Variants in ZBTB11 observed in about 807,000 individuals in gnomAD.
ZBTB11 encodes the protein zinc finger and BTB domain containing 11.
Under a neutral mutation model 113.1 loss-of-function variants are expected in ZBTB11, and 68 were observed. That is an observed-to-expected ratio of 0.60 (90% CI 0.49 to 0.74). ZBTB11 has a LOEUF of 0.74. Ranked by LOEUF, ZBTB11 falls within the 30% of genes least tolerant of loss-of-function variation. The pLI, the probability that ZBTB11 is intolerant of heterozygous loss-of-function variation, is 0.00. For missense variants in ZBTB11, 1,104 were observed against 1,279.4 expected, an observed-to-expected ratio of 0.86 and a Z score of 2.09; for synonymous variants, 518 against 452.6, an observed-to-expected ratio of 1.14 and a Z score of -1.83.
intron 8 of ZBTB11, among the ~76,000 whole-genome samples, chr3:101,654,360 T>C (rs1322640928): frequency 6.6e-6 from 1 of 152,096 alleles, no homozygotes; most frequent in African/African-American, 2.4e-5. Flanking sequence ...TTACGTTATA[T>C]GAATTTTACC....
Position 101,664,628 on chromosome 3 carries a change from T to C in ZBTB11, c.1710A>G (p.Lys570=). The change falls in exon 5 of 11, where the codon AAA becomes AAG. Residue 570 remains lysine, a synonymous_variant. Transcript: ENST00000312938. ...GAAAAACCATTCCACATTCCCCACATTTATGAGATGCTTCTTCTGTGTTCT... is the reference window on the plus strand; with the variant it reads ...GAAAAACCATTCCACATTCCCCACACTTATGAGATGCTTCTTCTGTGTTCT... ...AKENTEEASH[K]CGECGMVFQR... 1 of 1,613,928 alleles carries C rather than the reference T, an allele frequency of 6.2e-7. No homozygotes were observed.
chr3:101,658,269 AGGCTAGAGTGCAGTGGTGC>A (rs971183457), intron 6 of ZBTB11, among the ~76,000 whole-genome samples: 14 of 148,264 alleles, frequency 9.4e-5, no homozygotes, highest in Non-Finnish European at 1.8e-4. Flanking sequence ...TCTGTCGCCC[AGGCTAGAGTGCAGTGGTGC>A]GGTCTCGGCT....
At chr3:101,664,491 T>C (rs1936945809) in intron 5 of ZBTB11, 47 bp downstream of exon 5, 3 of 1,539,552 alleles carry the variant, frequency 1.9e-6, no homozygotes, top group Non-Finnish European at 2.6e-6. Flanking sequence ...TTGGATTCTA[T>C]ATATTATGAA....
chr3:101,658,227 A>ATT (rs200382292), intron 6 of ZBTB11, among the ~76,000 whole-genome samples: 22 of 143,426 alleles, frequency 1.5e-4, no homozygotes, highest in African/African-American at 3.3e-4. Context: ...TTAAAAATTA[A>ATT]TTTTTTTTTT....
chr3:101,665,507 A>G lies in ZBTB11; in HGVS notation c.1080T>C (p.Asp360=). The G allele has an allele frequency of 2.5e-6, 4 of 1,614,132 alleles. No individual in the cohort carries two copies. The highest frequency in any genetic ancestry group is 3.4e-6 in the Non-Finnish European group (4 of 1,180,004). The change falls in exon 4 of 11, where the codon GAT becomes GAC. Residue 360 remains aspartate (D), a synonymous_variant. Coordinates refer to ENST00000312938, the MANE Select transcript of ZBTB11 (RefSeq NM_014415.4). ...TTTSLPTELG[D]CEIVLLVNGE... ...CATTTACCAGTAGTACAATTTCACA[A>G]TCCCCAAGTTCAGTAGGTAAACTTG...
At position 101,665,213 on chromosome 3, in the gene ZBTB11, A is replaced by G. The variant is rs1344277508; in HGVS notation, c.1374T>C (p.Asn458=). 6.2e-7 allele frequency: 1 copy of G among 1,614,020 alleles called. No individual in the cohort carries two copies. Among genetic ancestry groups the G allele is most frequent in the Non-Finnish European group, 8.5e-7 (1 of 1,180,026 alleles). Residue 458 remains asparagine (N), a synonymous_variant, in exon 4 of 11, where the codon AAT becomes AAC. Coordinates refer to ENST00000312938, the MANE Select transcript of ZBTB11 (RefSeq NM_014415.4). ...SSSPEDSGMG[N]DISAEDICAE... is the part of the protein sequence containing the mutation. The stretch of plus-strand genomic sequence containing the variant: ...CACAAATATCCTCAGCTGATATATC[A>G]TTTCCCATACCACTATCCTCTGGCG...
At chr3:101,671,728 T>C (rs1937089286) in intron 2 of ZBTB11, 1 of 596,956 alleles carries the variant, frequency 1.7e-6, no homozygotes, top group Non-Finnish European at 3.0e-6. Context: ...TGTACCAATA[T>C]ATCATCACAA....
chr3:101,652,697 A>G (rs750432439), intron 9 of ZBTB11, 26 bp from the exon 10 acceptor site: 84 of 1,611,942 alleles, frequency 5.2e-5, no homozygotes, highest in South Asian at 4.0e-4. Context: ...AGACCCAATT[A>G]TTTTGTCCAA....
chr3:101,663,928 T>G (rs1936936119), intron 5 of ZBTB11, among the ~76,000 whole-genome samples: 1 of 152,142 alleles, frequency 6.6e-6, no homozygotes, highest in Admixed American at 6.5e-5. Context: ...TAATATTCAG[T>G]AAGCTTTTAC....
At chr3:101,668,935 T>G (rs569991228) in intron 3 of ZBTB11, among the ~76,000 whole-genome samples, 1 of 152,104 alleles carries the variant, frequency 6.6e-6, no homozygotes, top group Non-Finnish European at 1.5e-5. Context: ...TCCTCTCAAA[T>G]GAAATGGACA....
intron 7 of ZBTB11, among the ~76,000 whole-genome samples, chr3:101,655,359 T>C (rs919549518): frequency 6.6e-6 from 1 of 152,250 alleles, no homozygotes; most frequent in Non-Finnish European, 1.5e-5. Context: ...TTGTATGATC[T>C]ATGGATTGTA....
rs1207592441 is a variant in ZBTB11, at chr3:101,656,141, G to C, written c.2154C>G (p.Thr718=). Residue 718 remains threonine (T), a synonymous_variant, in exon 7 of 11, where the codon ACC becomes ACG. Coordinates refer to ENST00000312938, the MANE Select transcript of ZBTB11 (RefSeq NM_014415.4). ...TCATATGTTCTTGAAGACTCCGTTT[G>C]GTAACAAATGACTTAACACACAGTT... The part of the protein sequence containing the change: ...QCELCVKSFV[T]KRSLQEHMSI... 6.3e-7 allele frequency: 1 copy of C among 1,590,800 alleles called. No homozygotes were observed.
In ZBTB11 at chr3:101,659,806, C is replaced by T. The variant is rs1403933188; in HGVS notation, c.2023G>A (p.Gly675Ser). ...SLRIHMLKHT[G>S]VKPHACQVCG... ...ACCTGGCATGCATGTGGCTTTACAC[C>T]TGTGTGCTTTAACATATGTATTCGG... Residue 675 changes from glycine (G) to serine (S), a missense_variant, in exon 6 of 11, where the codon GGT becomes AGT. Gly to Ser is a moderately conservative substitution (Grantham distance 56). Around this residue, in one of 5 missense-constraint regions of ZBTB11, gnomAD observed 535 missense variants for 518.6 expected, o/e 1.03. Coordinates refer to ENST00000312938, the MANE Select transcript of ZBTB11 (RefSeq NM_014415.4). 3.1e-6 allele frequency: 5 copies of T among 1,614,130 alleles called. No homozygotes were observed. The highest frequency in any genetic ancestry group is 1.7e-5 in the Admixed American group (1 of 60,018).
chr3:101,662,478 G>C (rs1207420427), intron 5 of ZBTB11, among the ~76,000 whole-genome samples: 3 of 152,140 alleles, frequency 2.0e-5, no homozygotes, highest in African/African-American at 7.2e-5. Flanking sequence ...TACAAAATTA[G>C]CCGGGTATGG....
chr3:101,676,060 T>C (rs1471370028), intron 1 of ZBTB11, among the ~76,000 whole-genome samples: 1 of 152,224 alleles, frequency 6.6e-6, no homozygotes, highest in African/African-American at 2.4e-5. Flanking sequence ...CAAATAATTG[T>C]ATTATTCCTT....
chr3:101,651,747 C>T, intron 10 of ZBTB11, 64 bp from the exon 11 acceptor site: 1 of 1,457,348 alleles, frequency 6.9e-7, no homozygotes, highest in Non-Finnish European at 9.1e-7. Context: ...CTTAAACTGC[C>T]TACCAAACTT....
At chr3:101,670,985 A>G in intron 3 of ZBTB11, 145 bp downstream of exon 3, 2 of 633,804 alleles carry the variant, frequency 3.2e-6, no homozygotes, top group Non-Finnish European at 5.5e-6. Flanking sequence ...TCTTGCTAAA[A>G]AGAACCTTTT....
Position 101,676,798 on chromosome 3 carries a change from G to T in ZBTB11, c.117C>A (p.Cys39Ter). 1 of 1,612,098 alleles carries T rather than the reference G, an allele frequency of 6.2e-7. No individual in the cohort carries two copies. Residue 39 changes from cysteine (C) to a stop codon, truncating the protein, a stop_gained, in exon 1 of 11, where the codon TGC becomes TGA. Coordinates refer to ENST00000312938, the MANE Select transcript of ZBTB11 (RefSeq NM_014415.4). LOFTEE classifies it high-confidence loss of function. ...ACAGAGTCCCGCCGCGCACCACGTA[G>T]CAGGCGGCAGCTTTTCGGATTTTAC... ...VKRKIRKAAA[C>*]YVVRGGTLYY...
intron 4 of ZBTB11, 112 bp downstream of exon 4, chr3:101,664,852 C>A: frequency 6.7e-7 from 1 of 1,489,974 alleles, no homozygotes; most frequent in Non-Finnish European, 9.0e-7. Context: ...TAAGTTGCTA[C>A]CTTGTACCCA....
Sources: allele counts gnomAD v4.1 joint callset (sites outside exome capture counted in the v4.1 genomes callset), GRCh38; gene constraint gnomAD v4.1.1; regional missense constraint gnomAD v4.1.1; transcripts MANE v1.5; gene names NCBI Gene and HGNC (gene_info 2026-07-23, HGNC 2026-07-21).